Variants in OPRM1 observed in about 807,000 individuals in gnomAD.
OPRM1 encodes mu-type opioid receptor.
In OPRM1, 27 loss-of-function variants were observed where a neutral mutation model predicts 31.8. The observed-to-expected ratio is 0.85, with a 90% confidence interval of 0.63 to 1.17. The LOEUF (loss-of-function observed/expected upper bound fraction) is 1.17. OPRM1 is among the 50% of genes most tolerant of loss of function. The pLI is 0.00. For synonymous variants in OPRM1, 196 were observed against 189.9 expected, an observed-to-expected ratio of 1.03 and a Z score of -0.26; for missense variants, 536 against 511.1, an observed-to-expected ratio of 1.05 and a Z score of -0.47.
chr6:154,227,397 A>T (rs9383696), intron 3 of OPRM1, among the ~76,000 whole-genome samples: 4,299 of 152,130 alleles, frequency 0.028, 196 homozygotes, highest in East Asian at 0.19. Flanking sequence ...ATACCTATAT[A>T]CACTTTTAGT....
intron 1 of OPRM1, among the ~76,000 whole-genome samples, chr6:154,072,294 T>C (rs1786952361): frequency 6.6e-6 from 1 of 152,204 alleles, no homozygotes; most frequent in South Asian, 2.1e-4. Context: ...AGGTAGGCAG[T>C]TGAGTGCAGA....
chr6:154,113,599 A>G (rs1031048451), intron 3 of OPRM1, among the ~76,000 whole-genome samples: 1 of 152,182 alleles, frequency 6.6e-6, no homozygotes, highest in African/African-American at 2.4e-5. Flanking sequence ...AAGCACATGA[A>G]TCAGTATGAG....
chr6:154,233,376 G>C (rs748009419), intron 3 of OPRM1, among the ~76,000 whole-genome samples: 2 of 152,104 alleles, frequency 1.3e-5, no homozygotes, highest in Admixed American at 6.5e-5. Context: ...AATAATACTA[G>C]TAAACTTACC....
chr6:154,192,229 A>G (rs1229718545), intron 3 of OPRM1, among the ~76,000 whole-genome samples: 1 of 151,968 alleles, frequency 6.6e-6, no homozygotes, highest in African/African-American at 2.4e-5. Flanking sequence ...TCTCTTCAGC[A>G]TGGGTGAGCA....
At chr6:154,117,940 G>A (rs941450359) in intron 3 of OPRM1, among the ~76,000 whole-genome samples, 9 of 150,106 alleles carry the variant, frequency 6.0e-5, no homozygotes, top group Non-Finnish European at 1.0e-4. Context: ...CATGGATAAA[G>A]CACATTTACT....
chr6:154,150,662 T>C (rs765111448), intron 3 of OPRM1, among the ~76,000 whole-genome samples: 10 of 152,334 alleles, frequency 6.6e-5, no homozygotes, highest in Non-Finnish European at 1.5e-4. Flanking sequence ...GGGATTCACA[T>C]TTCTCAAGCT....
intron 3 of OPRM1, among the ~76,000 whole-genome samples, chr6:154,149,908 C>T (rs1166357831): frequency 6.6e-6 from 1 of 152,208 alleles, no homozygotes; most frequent in African/African-American, 2.4e-5. Context: ...CTCACAGCGT[C>T]TCCTACTGAC....
At chr6:154,048,542 T>A (rs1319378802) in intron 1 of OPRM1, among the ~76,000 whole-genome samples, 1 of 152,218 alleles carries the variant, frequency 6.6e-6, no homozygotes. Flanking sequence ...TCTTTGTGTT[T>A]AGGTGAGAAA....
intron 3 of OPRM1, among the ~76,000 whole-genome samples, chr6:154,235,546 A>AT (rs978917222): frequency 2.0e-5 from 3 of 150,570 alleles, no homozygotes; most frequent in Non-Finnish European, 2.9e-5. Flanking sequence ...AAAAAAAAAA[A>AT]AAAAAGTAAT....
At chr6:154,093,308 G>T in intron 3 of OPRM1, 7 of 1,613,736 alleles carry the variant, frequency 4.3e-6, no homozygotes, top group Non-Finnish European at 5.9e-6. Flanking sequence ...GGGCTCTAGA[G>T]CAAGGCTGCT....
At chr6:154,148,959 G>A (rs1283127138) in intron 3 of OPRM1, among the ~76,000 whole-genome samples, 1 of 152,146 alleles carries the variant, frequency 6.6e-6, no homozygotes, top group African/African-American at 2.4e-5. Context: ...GAAACAATGT[G>A]GCCCCTGTAT....
chr6:154,073,220 G>C (rs138702407), intron 1 of OPRM1, among the ~76,000 whole-genome samples: 1 of 152,266 alleles, frequency 6.6e-6, no homozygotes, highest in Non-Finnish European at 1.5e-5. Context: ...AAACTCCACT[G>C]ATGTTCCATA....
At chr6:154,034,404 T>C (rs1779177275), upstream of OPRM1, among the ~76,000 whole-genome samples, 4 of 152,076 alleles carry the variant, frequency 2.6e-5, no homozygotes, top group Non-Finnish European at 5.9e-5. Context: ...CAAAATTAGC[T>C]GAGTTTGGTG....
chr6:154,029,106 G>A (rs749909941), intron 1 of OPRM1, among the ~76,000 whole-genome samples: 7 of 151,992 alleles, frequency 4.6e-5, no homozygotes, highest in African/African-American at 1.7e-4. Context: ...TCTCTTGTAG[G>A]GGTCTCTATG....
chr6:154,223,742 G>T (rs1779043006), intron 3 of OPRM1, among the ~76,000 whole-genome samples: 1 of 152,172 alleles, frequency 6.6e-6, no homozygotes, highest in Non-Finnish European at 1.5e-5. Context: ...TGACTTAAAT[G>T]AGCTCAGATA....
intron 3 of OPRM1, among the ~76,000 whole-genome samples, chr6:154,208,203 G>T (rs1777659481): frequency 9.4e-6 from 1 of 106,188 alleles, no homozygotes; most frequent in South Asian, 3.0e-4. Flanking sequence ...CTATGCTTTG[G>T]CTTCATTTCC....
intron 3 of OPRM1, chr6:154,091,689 G>T: frequency 7.6e-7 from 1 of 1,310,654 alleles, no homozygotes; most frequent in Non-Finnish European, 9.7e-7. Context: ...ATACACCAAT[G>T]AGAAATCCAT....
In OPRM1 at chr6:154,110,439, TA is replaced by T. The variant is rs1358005559; in HGVS notation, c.1165-8243del. On this transcript the variant is annotated intron_variant, in intron 3 of 3. Coordinates refer to ENST00000330432, the MANE Select transcript of OPRM1 (RefSeq NM_000914.5). ...ATTACAATATTTTCCCGTGAAAGAA[TA>T]TAAGATTGGAAGCCAGAGAGCCTGG... is the stretch of plus-strand genomic sequence containing the variant. 4 of 1,438,786 alleles carry T rather than the reference TA, an allele frequency of 2.8e-6. No individual in the cohort carries two copies. The African/African-American group carries it at 5.6e-5, about 20-fold the overall frequency. 89.1% of individuals were successfully genotyped at this position (1,438,786 alleles called of 1,614,324 possible).
chr6:154,038,763 A>G (rs1779478432), upstream of OPRM1, among the ~76,000 whole-genome samples: 1 of 152,200 alleles, frequency 6.6e-6, no homozygotes, highest in African/African-American at 2.4e-5. Flanking sequence ...GAAATTGGGG[A>G]AAATGAGGAA....
Sources: allele counts gnomAD v4.1 joint callset (sites outside exome capture counted in the v4.1 genomes callset), GRCh38; gene constraint gnomAD v4.1.1; transcripts MANE v1.5; gene names NCBI Gene and HGNC (gene_info 2026-07-23, HGNC 2026-07-21).